The following SORCS3 variants were observed in gnomAD, a reference collection of about 807,000 sequenced individuals.
SORCS3 encodes sortilin related VPS10 domain containing receptor 3.
SORCS3 carries 57 observed loss-of-function variants against 146.3 expected under a neutral mutation model. The ratio of observed to expected loss-of-function variants is 0.39; its 90% CI spans 0.31 to 0.49. The LOEUF is 0.49. SORCS3 is among the 20% of genes least tolerant of loss of function. SORCS3 has a pLI of 0.92. For synonymous variants in SORCS3, 653 were observed against 618.5 expected (o/e 1.06, Z -0.83); for missense variants, 1,341 against 1,575.5 (o/e 0.85, Z 2.52).
At chr10:105,096,593 G>A (rs2055748295) in intron 6 of SORCS3, among the ~76,000 whole-genome samples, 1 of 152,176 alleles carries the variant, frequency 6.6e-6, no homozygotes, top group African/African-American at 2.4e-5. Flanking sequence ...GGACCAAAAG[G>A]AAGGGTTGTG....
intron 14 of SORCS3, among the ~76,000 whole-genome samples, chr10:105,184,807 T>C (rs373627944): frequency 6.6e-6 from 1 of 152,224 alleles, no homozygotes; most frequent in African/African-American, 2.4e-5. Context: ...TTTGTGAGTT[T>C]TTTTGGGTAA....
chr10:104,786,638 G>A (rs1455680973), intron 1 of SORCS3, among the ~76,000 whole-genome samples: 1 of 151,886 alleles, frequency 6.6e-6, no homozygotes, highest in Non-Finnish European at 1.5e-5. Flanking sequence ...ATTAAATCCT[G>A]AAGGCAGAAG....
At chr10:105,178,377 T>C (rs2056421434) in intron 14 of SORCS3, among the ~76,000 whole-genome samples, 1 of 152,198 alleles carries the variant, frequency 6.6e-6, no homozygotes, top group Non-Finnish European at 1.5e-5. Flanking sequence ...GCTAGGGTCC[T>C]AATTGAACAG....
chr10:104,767,813 C>T (rs935849710), intron 1 of SORCS3, among the ~76,000 whole-genome samples: 2 of 148,478 alleles, frequency 1.3e-5, no homozygotes, highest in African/African-American at 2.5e-5. Context: ...CTTCCCCTCC[C>T]TCTTCTTCCC....
At chr10:105,026,089 C>T (rs1313103319) in intron 4 of SORCS3, among the ~76,000 whole-genome samples, 7 of 152,070 alleles carry the variant, frequency 4.6e-5, no homozygotes, top group Non-Finnish European at 1.0e-4. Flanking sequence ...GTTCTCCTAT[C>T]CTCCTCCACT....
At chr10:104,975,412 G>C (rs1370532010) in intron 3 of SORCS3, among the ~76,000 whole-genome samples, 2 of 152,152 alleles carry the variant, frequency 1.3e-5, no homozygotes, top group East Asian at 3.9e-4. Context: ...AATAAAAGAG[G>C]ATACAAAGAA....
At chr10:105,227,985 TTGTGTGTGTG>T (rs59033040) in intron 20 of SORCS3, among the ~76,000 whole-genome samples, 1,343 of 128,904 alleles carry the variant, frequency 0.01, 16 homozygotes, top group African/African-American at 0.027. Flanking sequence ...TGTGGTCATT[TTGTGTGTGTG>T]TGTGTGTGTG....
intron 1 of SORCS3, among the ~76,000 whole-genome samples, chr10:104,643,669 G>A (rs2015455705): frequency 6.6e-6 from 1 of 151,894 alleles, no homozygotes; most frequent in Non-Finnish European, 1.5e-5. Context: ...TCTGACAGCA[G>A]GGGTTGTGAA....
intron 2 of SORCS3, among the ~76,000 whole-genome samples, chr10:104,860,558 TTAAAG>T (rs1003860001): frequency 1.3e-4 from 20 of 150,992 alleles, no homozygotes; most frequent in Admixed American, 7.9e-4. Context: ...ACCCTAAAAC[TTAAAG>T]TATAATAATA....
intron 5 of SORCS3, among the ~76,000 whole-genome samples, chr10:105,087,944 C>A (rs1325177701): frequency 6.6e-6 from 1 of 152,162 alleles, no homozygotes; most frequent in Non-Finnish European, 1.5e-5. Context: ...TTCAGAGTTA[C>A]CTCCCAGGGC....
intron 14 of SORCS3, among the ~76,000 whole-genome samples, chr10:105,185,183 C>G (rs2056467347): frequency 6.6e-6 from 1 of 152,172 alleles, no homozygotes; most frequent in Admixed American, 6.5e-5. Flanking sequence ...CTCCTCATTT[C>G]TTATCAAAAC....
intron 13 of SORCS3, among the ~76,000 whole-genome samples, chr10:105,168,859 G>C (rs1047447456): frequency 1.3e-5 from 2 of 152,116 alleles, no homozygotes; most frequent in Non-Finnish European, 2.9e-5. Flanking sequence ...TATAAATGTT[G>C]AAAAGATGCA....
chr10:105,208,650 TATA>T (rs2056616364), intron 16 of SORCS3, among the ~76,000 whole-genome samples: 1 of 149,184 alleles, frequency 6.7e-6, no homozygotes, highest in African/African-American at 2.4e-5. Flanking sequence ...ATATATTATA[TATA>T]ATAATAAAAT....
At chr10:104,678,949 T>C (rs566601326) in intron 1 of SORCS3, among the ~76,000 whole-genome samples, 3 of 152,154 alleles carry the variant, frequency 2.0e-5, no homozygotes, top group Non-Finnish European at 4.4e-5. Context: ...ATTACAAATA[T>C]AGGTTCATTT....
chr10:105,085,186 G>A (rs1055102267), intron 5 of SORCS3, among the ~76,000 whole-genome samples: 14 of 152,180 alleles, frequency 9.2e-5, no homozygotes, highest in African/African-American at 3.4e-4. Flanking sequence ...GGAATGAGTA[G>A]GACATCTTCC....
intron 1 of SORCS3, among the ~76,000 whole-genome samples, chr10:104,735,456 G>GTTGTTTTTTTTTTTTTTTTTTTTTTTT (rs2016757341): frequency 2.9e-5 from 1 of 34,992 alleles, no homozygotes; most frequent in Non-Finnish European, 4.8e-5. Flanking sequence ...CTCACCGTCT[G>GTTGTTTTTTTTTTTTTTTTTTTTTTTT]TTTTTTTTTT....
intron 1 of SORCS3, among the ~76,000 whole-genome samples, chr10:104,810,719 A>G (rs1341145156): frequency 6.6e-6 from 1 of 152,202 alleles, no homozygotes; most frequent in Non-Finnish European, 1.5e-5. Flanking sequence ...GATATTGGGA[A>G]TTTACTTTGC....
intron 3 of SORCS3, among the ~76,000 whole-genome samples, chr10:104,928,628 A>G (rs1445570039): frequency 6.6e-6 from 1 of 152,050 alleles, no homozygotes; most frequent in Admixed American, 6.6e-5. Context: ...TCAGAATGAC[A>G]GACCTCAGCA....
intron 7 of SORCS3, among the ~76,000 whole-genome samples, chr10:105,125,285 C>G (rs2133768172): frequency 6.6e-6 from 1 of 152,264 alleles, no homozygotes. Context: ...CTTAGAGATT[C>G]AATTACATTA....
Sources: allele counts gnomAD v4.1 joint callset (sites outside exome capture counted in the v4.1 genomes callset), GRCh38; gene constraint gnomAD v4.1.1; transcripts MANE v1.5; gene names NCBI Gene and HGNC (gene_info 2026-07-23, HGNC 2026-07-21).